The following EIF2AK2 variants were observed in gnomAD, a reference collection of about 807,000 sequenced individuals.
The protein encoded by EIF2AK2 is interferon-induced, double-stranded RNA-activated protein kinase.
EIF2AK2 carries 40 observed loss-of-function variants against 70.5 expected under a neutral mutation model. The observed-to-expected ratio is 0.57, with a 90% confidence interval of 0.44 to 0.74. The LOEUF (loss-of-function observed/expected upper bound fraction) is 0.74, where lower values mean the gene tolerates loss of function less well. EIF2AK2 is among the 30% of genes least tolerant of loss of function. The pLI is 0.00. For missense variants in EIF2AK2, 555 were observed against 644.3 expected (o/e 0.86, Z 1.50); for synonymous variants, 198 against 220.9 (o/e 0.90, Z 0.92).
chr2:37,146,752 G>T, intron 4 of EIF2AK2, 101 bp downstream of exon 4: 3 of 1,407,046 alleles, frequency 2.1e-6, no homozygotes, highest in Non-Finnish European at 2.9e-6. Flanking sequence ...GTAAGGGAAC[G>T]TGTGAATGGC....
rs1675042231 is a variant in EIF2AK2 at position 37,134,134 on chromosome 2, T to C, written c.785+1350A>G. Reference sequence around the variant, plus strand: ...TAACAGAAAACGTAACCCTAATCTATAAACTCCAAAAAGGAGCTTCCTTTT... The same window carrying C: ...TAACAGAAAACGTAACCCTAATCTACAAACTCCAAAAAGGAGCTTCCTTTT... On this transcript the variant is annotated intron_variant, in intron 10 of 16. Transcript: ENST00000233057. Among the ~76,000 whole-genome samples, 4 of 152,172 alleles carry C rather than the reference T, an allele frequency of 2.6e-5. No individual in the cohort carries two copies. The South Asian group carries it at 6.2e-4, about 24-fold the overall frequency.
intron 10 of EIF2AK2, among the ~76,000 whole-genome samples, chr2:37,134,789 T>TG (rs1675066696): frequency 6.6e-6 from 1 of 150,842 alleles, no homozygotes; most frequent in African/African-American, 2.5e-5. Context: ...AACACATATC[T>TG]TTGTCTCCCC....
At chr2:37,156,751 G>C (rs1422941581) in intron 1 of EIF2AK2, among the ~76,000 whole-genome samples, 157 bp downstream of exon 1, 1 of 152,160 alleles carries the variant, frequency 6.6e-6, no homozygotes, top group Admixed American at 6.5e-5. Context: ...TCCCAGTGCT[G>C]ACCCAGCCGG....
chr2:37,147,280 T>C (rs1675579682), intron 3 of EIF2AK2, among the ~76,000 whole-genome samples: 3 of 152,136 alleles, frequency 2.0e-5, no homozygotes, highest in African/African-American at 7.2e-5. Flanking sequence ...TCCCCCAGCT[T>C]ACATTTATAA....
chr2:37,144,664 G>A (rs1675462858), intron 4 of EIF2AK2, among the ~76,000 whole-genome samples: 1 of 150,242 alleles, frequency 6.7e-6, no homozygotes, highest in African/African-American at 2.5e-5. Flanking sequence ...GCTCACTGCA[G>A]CCCTGACCTC....
chr2:37,149,195 T>G, intron 1 of EIF2AK2, 172 bp from the exon 2 acceptor site: 5 of 1,114,928 alleles, frequency 4.5e-6, no homozygotes, highest in Non-Finnish European at 5.5e-6. Flanking sequence ...TTGTCGTGCC[T>G]GTGGTTCTAC....
intron 11 of EIF2AK2, among the ~76,000 whole-genome samples, chr2:37,125,514 A>T (rs1674698927): frequency 1.3e-5 from 2 of 152,196 alleles, no homozygotes; most frequent in African/African-American, 4.8e-5. Flanking sequence ...TGTTCTGGGG[A>T]CAATCCTTCT....
At chr2:37,120,772 G>C (rs924762403) in intron 12 of EIF2AK2, among the ~76,000 whole-genome samples, 2 of 148,254 alleles carry the variant, frequency 1.3e-5, no homozygotes, top group African/African-American at 2.4e-5. Flanking sequence ...AGACCAGCCT[G>C]GGCAGCATGG....
chr2:37,121,412 A>G (rs1674546024), intron 12 of EIF2AK2, among the ~76,000 whole-genome samples: 1 of 152,088 alleles, frequency 6.6e-6, no homozygotes, highest in Non-Finnish European at 1.5e-5. Context: ...ATATAAAGTA[A>G]CTTTGAAACC....
intron 1 of EIF2AK2, among the ~76,000 whole-genome samples, chr2:37,151,503 T>C (rs755655148): frequency 7.2e-5 from 11 of 152,160 alleles, no homozygotes; most frequent in African/African-American, 9.7e-5. Context: ...ACACTGCTGA[T>C]AAGAATGTAA....
intron 13 of EIF2AK2, among the ~76,000 whole-genome samples, chr2:37,116,217 A>AT (rs1674337174): frequency 6.6e-6 from 1 of 151,912 alleles, no homozygotes; most frequent in Non-Finnish European, 1.5e-5. Context: ...GTATTGACCA[A>AT]TATTATTTTT....
At chr2:37,124,688 A>C (rs1230535163) in intron 11 of EIF2AK2, among the ~76,000 whole-genome samples, 2 of 150,906 alleles carry the variant, frequency 1.3e-5, no homozygotes, top group Admixed American at 6.6e-5. Context: ...TGACACTGTG[A>C]TTTATATCTT....
chr2:37,107,398 G>T lies in EIF2AK2; in HGVS notation c.1534-3C>A. The T allele has an allele frequency of 6.2e-7, 1 of 1,613,072 alleles. No homozygotes were observed. The highest frequency in any genetic ancestry group is 8.5e-7 in the Non-Finnish European group (1 of 1,179,816). On this transcript the variant is annotated splice_polypyrimidine_tract_variant and splice_region_variant and intron_variant, in intron 16 of 16. Transcript: ENST00000233057. ...AGTAATTTCTGTAGAAGAGTTTTCT[G>T]CAATGACAGTGAGAGTCAATAGTAA...
intron 2 of EIF2AK2, among the ~76,000 whole-genome samples, chr2:37,148,126 T>G (rs977132952): frequency 1.3e-5 from 2 of 152,156 alleles, no homozygotes; most frequent in Non-Finnish European, 2.9e-5. Flanking sequence ...GAGACCAGCC[T>G]GGGCAACATG....
chr2:37,136,802 T>C (rs189668504), intron 9 of EIF2AK2, 181 bp downstream of exon 9: 260 of 513,618 alleles, frequency 5.1e-4, no homozygotes, highest in Non-Finnish European at 1.9e-4. Context: ...CAGTGTAGCA[T>C]GTGCACATAG....
At chr2:37,119,728 A>G (rs925088005) in intron 13 of EIF2AK2, among the ~76,000 whole-genome samples, 2 of 151,444 alleles carry the variant, frequency 1.3e-5, no homozygotes, top group Non-Finnish European at 2.9e-5. Flanking sequence ...AGTAGCTGGG[A>G]TTACAGGCGC....
At chr2:37,136,901 T>C in intron 9 of EIF2AK2, 82 bp downstream of exon 9, 1 of 1,326,786 alleles carries the variant, frequency 7.5e-7, no homozygotes, top group Non-Finnish European at 1.0e-6. Context: ...GGGTGTACAA[T>C]ACTCTACAAG....
chr2:37,142,388 C>A (rs1675365927), intron 4 of EIF2AK2, among the ~76,000 whole-genome samples: 1 of 152,172 alleles, frequency 6.6e-6, no homozygotes, highest in Non-Finnish European at 1.5e-5. Flanking sequence ...CCGCCTCAGC[C>A]TTCCAAAATG....
chr2:37,100,179 G>C lies in EIF2AK2; in HGVS notation c.*7094C>G, dbSNP rs974592085. 2 of 152,126 alleles carry C rather than the reference G, an allele frequency of 1.3e-5. No homozygotes were observed. Among genetic ancestry groups the C allele is most frequent in the Non-Finnish European group, 2.9e-5 (2 of 68,046 alleles). 9.4% of individuals were successfully genotyped at this position (152,126 alleles called of 1,614,324 possible). A position where few individuals can be genotyped will look rare whatever the true frequency, so the allele number is the denominator to read the frequency against. ...AATTTCAGATAGAAACCACAGGAGA[G>C]AGCCACTGAGTGCAAAAGCCTGTTG... On this transcript the variant is annotated 3_prime_UTR_variant, in exon 17 of 17. Transcript: ENST00000233057.
Sources: allele counts gnomAD v4.1 joint callset (sites outside exome capture counted in the v4.1 genomes callset), GRCh38; gene constraint gnomAD v4.1.1; transcripts MANE v1.5; gene names NCBI Gene and HGNC (gene_info 2026-07-23, HGNC 2026-07-21).